Variants in NRG1 observed in about 807,000 individuals in gnomAD.
NRG1 encodes neuregulin 1, also known as pro-neuregulin-1, membrane-bound isoform.
Under a neutral mutation model 63.8 loss-of-function variants are expected in NRG1, and 18 were observed. The observed-to-expected ratio is 0.28, with a 90% CI of 0.19 to 0.42. The LOEUF (loss-of-function observed/expected upper bound fraction) is 0.42. NRG1 is among the 10% of genes least tolerant of loss of function. The probability of loss-of-function intolerance (pLI) is 1.00; values close to 1 mark genes in which losing one functional copy is unlikely to be tolerated. For missense variants in NRG1, 762 were observed against 814.7 expected (o/e 0.94, Z 0.79); for synonymous variants, 302 against 301.3 (o/e 1.00, Z -0.02).
At chr8:32,430,628 G>A (rs1216988756) in intron 1 of NRG1, among the ~76,000 whole-genome samples, 2 of 152,156 alleles carry the variant, frequency 1.3e-5, no homozygotes, top group Admixed American at 6.5e-5. Context: ...CACTGAAAAT[G>A]AGGACTGTGC....
chr8:32,184,601 A>G (rs1266975359), intron 1 of NRG1, among the ~76,000 whole-genome samples: 4 of 149,646 alleles, frequency 2.7e-5, no homozygotes, highest in Non-Finnish European at 6.0e-5. Flanking sequence ...TAGTTTTGTG[A>G]AAAAAAAAAT....
chr8:32,163,472 G>A (rs1448883212), intron 1 of NRG1, among the ~76,000 whole-genome samples: 1 of 152,136 alleles, frequency 6.6e-6, no homozygotes, highest in African/African-American at 2.4e-5. Flanking sequence ...CATCAATGTT[G>A]CCATATTAAT....
At chr8:32,628,606 T>C (rs1316549652) in intron 5 of NRG1, among the ~76,000 whole-genome samples, 1 of 152,252 alleles carries the variant, frequency 6.6e-6, no homozygotes, top group African/African-American at 2.4e-5. Flanking sequence ...TAAAAATGAT[T>C]TTACAGTGCC....
At chr8:31,678,991 A>G (rs143880542) in intron 1 of NRG1, among the ~76,000 whole-genome samples, 3 of 152,086 alleles carry the variant, frequency 2.0e-5, no homozygotes, top group African/African-American at 7.2e-5. Context: ...GACTAAAGTT[A>G]TATATTAACA....
chr8:32,761,143 G>C (rs1289817377), intron 11 of NRG1, among the ~76,000 whole-genome samples: 3 of 152,292 alleles, frequency 2.0e-5, no homozygotes, highest in South Asian at 4.1e-4. Flanking sequence ...AGTAAACAAA[G>C]AGATATTAAA....
intron 1 of NRG1, among the ~76,000 whole-genome samples, chr8:32,027,364 A>G (rs1318464207): frequency 2.0e-5 from 3 of 151,976 alleles, no homozygotes; most frequent in Non-Finnish European, 4.4e-5. Context: ...CTCTATTTTT[A>G]TATTTTAATT....
intron 1 of NRG1, among the ~76,000 whole-genome samples, chr8:32,198,702 A>G (rs1296426357): frequency 5.9e-5 from 9 of 152,162 alleles, no homozygotes; most frequent in African/African-American, 1.7e-4. Context: ...TTTGAGGTCA[A>G]TCTCATATCC....
chr8:32,767,668 T>A (rs1273121348), exon 12 of NRG1: 3 of 152,186 alleles, frequency 2.0e-5, no homozygotes, highest in Admixed American at 2.0e-4. Flanking sequence ...TATAGAGTTG[T>A]TTTCATATAA....
At chr8:32,662,713 G>T (rs928544992) in intron 5 of NRG1, among the ~76,000 whole-genome samples, 1 of 152,132 alleles carries the variant, frequency 6.6e-6, no homozygotes, top group Admixed American at 6.6e-5. Flanking sequence ...TTAGAATGAT[G>T]TAATGATGAA....
chr8:31,823,264 C>G (rs1015103822), intron 1 of NRG1, among the ~76,000 whole-genome samples: 1 of 151,696 alleles, frequency 6.6e-6, no homozygotes, highest in Non-Finnish European at 1.5e-5. Context: ...AATTAACAGT[C>G]TGCTATAGGC....
At chr8:32,724,205 C>A (rs17669781) in intron 5 of NRG1, among the ~76,000 whole-genome samples, 23,571 of 152,120 alleles carry the variant, frequency 0.15, 2,142 homozygotes, top group Non-Finnish European at 0.2. Flanking sequence ...TGTAGTGTTT[C>A]TAATTGCTGT....
chr8:32,174,217 G>A (rs1475003951), intron 1 of NRG1, among the ~76,000 whole-genome samples: 1 of 152,142 alleles, frequency 6.6e-6, no homozygotes, highest in Non-Finnish European at 1.5e-5. Context: ...CAAGGAAACT[G>A]AACAACCTGC....
intron 5 of NRG1, among the ~76,000 whole-genome samples, chr8:32,619,225 TCAAA>T (rs935632664): frequency 5.9e-5 from 9 of 151,902 alleles, no homozygotes; most frequent in African/African-American, 9.7e-5. Context: ...AGAAAAACAA[TCAAA>T]CAAACAAACA....
At chr8:32,298,639 A>G (rs145327165) in intron 1 of NRG1, among the ~76,000 whole-genome samples, 8,324 of 149,172 alleles carry the variant, frequency 0.056, 267 homozygotes, top group South Asian at 0.07. Flanking sequence ...GCTTGAACCC[A>G]GGAGGCGGAG....
chr8:32,071,876 A>G (rs1825801970), intron 1 of NRG1, among the ~76,000 whole-genome samples: 2 of 152,184 alleles, frequency 1.3e-5, no homozygotes, highest in Non-Finnish European at 2.9e-5. Flanking sequence ...TCATTCATAC[A>G]ATGAGAGTCT....
chr8:32,531,104 A>G (rs1416208507), intron 1 of NRG1, among the ~76,000 whole-genome samples: 1 of 136,086 alleles, frequency 7.3e-6, no homozygotes, highest in African/African-American at 2.5e-5. Context: ...TCAGAAAGAA[A>G]GAAAGGAAAG....
At chr8:32,027,847 T>G (rs981470537) in intron 1 of NRG1, among the ~76,000 whole-genome samples, 3 of 152,186 alleles carry the variant, frequency 2.0e-5, no homozygotes, top group African/African-American at 7.2e-5. Context: ...TTGCTGTGTA[T>G]TCTTGAATCT....
intron 1 of NRG1, among the ~76,000 whole-genome samples, chr8:31,799,725 T>G (rs1463173195): frequency 6.6e-6 from 1 of 152,138 alleles, no homozygotes; most frequent in East Asian, 1.9e-4. Flanking sequence ...TTTTTGTGTA[T>G]GCATAGATAT....
chr8:31,778,242 C>T (rs1436115122), intron 1 of NRG1, among the ~76,000 whole-genome samples: 1 of 152,202 alleles, frequency 6.6e-6, no homozygotes, highest in African/African-American at 2.4e-5. Context: ...TACTGAGCCT[C>T]TGCACTGACC....
Sources: gnomAD v4.1 joint callset for allele counts (sites outside exome capture counted in the v4.1 genomes callset) on GRCh38, gnomAD v4.1.1 for gene constraint, MANE v1.5 for transcripts, NCBI Gene and HGNC (gene_info 2026-07-23, HGNC 2026-07-21) for gene names.